The following SAMD12 variants were observed in gnomAD, a reference collection of about 807,000 sequenced individuals.
SAMD12 encodes sterile alpha motif domain-containing protein 12.
A neutral mutation model predicts 15.0 loss-of-function variants in SAMD12; 9 were observed. The ratio of observed to expected loss-of-function variants is 0.60; its 90% CI spans 0.36 to 1.05. SAMD12 has a LOEUF of 1.05. Ranked by LOEUF, SAMD12 falls within the 50% of genes least tolerant of loss-of-function variation. SAMD12 has a pLI of 0.01. For synonymous variants in SAMD12, 86 were observed against 90.1 expected (o/e 0.96, Z 0.25); for missense variants, 230 against 234.2 (o/e 0.98, Z 0.12).
chr8:118,424,213 C>T (rs1822144851), intron 3 of SAMD12, among the ~76,000 whole-genome samples: 5 of 152,166 alleles, frequency 3.3e-5, no homozygotes, highest in African/African-American at 4.8e-5. Flanking sequence ...ATGTGTATAT[C>T]TACGCATTTA....
chr8:118,402,578 C>T (rs957409521), intron 3 of SAMD12, among the ~76,000 whole-genome samples: 1 of 152,194 alleles, frequency 6.6e-6, no homozygotes, highest in African/African-American at 2.4e-5. Flanking sequence ...GTGGATAACA[C>T]CCCAACCTTT....
intron 4 of SAMD12, among the ~76,000 whole-genome samples, chr8:118,305,900 A>T (rs186893761): frequency 6.6e-6 from 1 of 152,168 alleles, no homozygotes; most frequent in Admixed American, 6.5e-5. Context: ...AGAAGAGGGA[A>T]TATCCCTCTC....
chr8:118,402,447 T>C (rs545181253), intron 3 of SAMD12, among the ~76,000 whole-genome samples: 11 of 152,192 alleles, frequency 7.2e-5, no homozygotes, highest in Non-Finnish European at 1.5e-4. Context: ...AAAACACTTT[T>C]TCCATGTTTT....
intron 2 of SAMD12, among the ~76,000 whole-genome samples, chr8:118,487,094 G>C (rs1265925674): frequency 6.6e-6 from 1 of 152,172 alleles, no homozygotes; most frequent in Non-Finnish European, 1.5e-5. Context: ...GTGCAGAGTG[G>C]CTCTAGGTGG....
chr8:118,491,936 T>C (rs1038578117), intron 2 of SAMD12, among the ~76,000 whole-genome samples: 1 of 152,184 alleles, frequency 6.6e-6, no homozygotes, highest in Admixed American at 6.5e-5. Context: ...GTGGATGTTT[T>C]TATTTCTCTT....
chr8:118,556,656 C>T (rs775131889), intron 2 of SAMD12, among the ~76,000 whole-genome samples: 3 of 152,158 alleles, frequency 2.0e-5, no homozygotes, highest in Non-Finnish European at 4.4e-5. Context: ...AAGAAACTCA[C>T]AATCTGGTGA....
intron 1 of SAMD12, among the ~76,000 whole-genome samples, chr8:118,586,464 AC>A (rs1470448715): frequency 6.7e-6 from 1 of 150,354 alleles, no homozygotes; most frequent in African/African-American, 2.5e-5. Flanking sequence ...CACCTCAGCC[AC>A]CCAAGTAGCT....
At chr8:118,404,439 C>G (rs547375159) in intron 3 of SAMD12, among the ~76,000 whole-genome samples, 1 of 152,260 alleles carries the variant, frequency 6.6e-6, no homozygotes, top group South Asian at 2.1e-4. Context: ...TTCCAATTAC[C>G]CATATGCTAG....
chr8:118,450,909 C>A (rs1823060823), intron 2 of SAMD12, among the ~76,000 whole-genome samples: 1 of 152,098 alleles, frequency 6.6e-6, no homozygotes, highest in Admixed American at 6.5e-5. Flanking sequence ...TGTGGTCAAG[C>A]CTGACCAAAT....
At chr8:118,494,087 T>G (rs1824530290) in intron 2 of SAMD12, among the ~76,000 whole-genome samples, 1 of 152,042 alleles carries the variant, frequency 6.6e-6, no homozygotes, top group Non-Finnish European at 1.5e-5. Context: ...AGCACCAGGG[T>G]CCTTATAAGA....
intron 2 of SAMD12, among the ~76,000 whole-genome samples, chr8:118,503,379 T>C (rs568682020): frequency 6.6e-6 from 1 of 152,314 alleles, no homozygotes; most frequent in East Asian, 1.9e-4. Flanking sequence ...GCAGGTCCTT[T>C]AATGGAAAGG....
At chr8:118,533,403 G>T (rs1398876151) in intron 2 of SAMD12, among the ~76,000 whole-genome samples, 2 of 152,168 alleles carry the variant, frequency 1.3e-5, no homozygotes, top group Non-Finnish European at 2.9e-5. Context: ...GTGCTGAGAA[G>T]AATGTATATT....
chr8:118,198,321 G>A (rs543688746), intron 4 of SAMD12, among the ~76,000 whole-genome samples: 1 of 152,272 alleles, frequency 6.6e-6, no homozygotes, highest in African/African-American at 2.4e-5. Context: ...TTGCAACCCT[G>A]CTTTTGGGCT....
chr8:118,159,293 A>G, the SAMD12 span, among the ~76,000 whole-genome samples: 2,223 of 152,246 alleles, frequency 0.015, 55 homozygotes, highest in African/African-American at 0.05. Flanking sequence ...CACCTAGTCC[A>G]GTTGCAGCCT....
chr8:118,170,458 G>A, the SAMD12 span, among the ~76,000 whole-genome samples: 2 of 152,056 alleles, frequency 1.3e-5, no homozygotes, highest in South Asian at 4.1e-4. Context: ...ACCAATAACA[G>A]ATCAATTTTA....
intron 3 of SAMD12, among the ~76,000 whole-genome samples, chr8:118,391,886 A>G (rs1041649050): frequency 1.3e-5 from 2 of 152,102 alleles, no homozygotes; most frequent in African/African-American, 4.8e-5. Context: ...TAATGTGATA[A>G]AACTCTGTAG....
intron 2 of SAMD12, among the ~76,000 whole-genome samples, chr8:118,579,119 C>G (rs758574091): frequency 6.6e-6 from 1 of 151,996 alleles, no homozygotes; most frequent in Admixed American, 6.6e-5. Context: ...TTGTATATTA[C>G]CAATATCTTT....
chr8:118,477,357 C>T (rs1414906987), intron 2 of SAMD12, among the ~76,000 whole-genome samples: 2 of 152,090 alleles, frequency 1.3e-5, no homozygotes, highest in Non-Finnish European at 2.9e-5. Flanking sequence ...AGAGCCATTG[C>T]GCTCGACCTC....
intron 2 of SAMD12, among the ~76,000 whole-genome samples, chr8:118,531,333 C>T (rs1295542495): frequency 6.6e-6 from 1 of 152,122 alleles, no homozygotes; most frequent in African/African-American, 2.4e-5. Context: ...TTACTGTAGC[C>T]TTGTAGTATA....
Sources: gnomAD v4.1 joint callset for allele counts (sites outside exome capture counted in the v4.1 genomes callset) on GRCh38, gnomAD v4.1.1 for gene constraint, MANE v1.5 for transcripts, NCBI Gene and HGNC (gene_info 2026-07-23, HGNC 2026-07-21) for gene names.